CNTNAP2: variants seen among roughly 807,000 people sequenced by gnomAD.
CNTNAP2 encodes the protein contactin associated protein 2.
CNTNAP2 carries 98 observed loss-of-function variants against 155.2 expected under a neutral mutation model. That is an observed-to-expected ratio of 0.63 (90% confidence interval 0.54 to 0.75). The LOEUF is 0.75. Ranked by LOEUF, CNTNAP2 falls within the 30% of genes least tolerant of loss-of-function variation. CNTNAP2 has a pLI of 0.00. For missense variants in CNTNAP2, 1,727 were observed against 1,688.1 expected, an observed-to-expected ratio of 1.02 and a Z score of -0.40; for synonymous variants, 651 against 631.2, an observed-to-expected ratio of 1.03 and a Z score of -0.47.
chr7:146,628,107 T>A lies in CNTNAP2; in HGVS notation c.98-146164T>A, dbSNP rs1015425220. On this transcript the variant is annotated intron_variant, in intron 1 of 23. Coordinates refer to ENST00000361727, the MANE Select transcript of CNTNAP2 (RefSeq NM_014141.6). ...TATCCATACTTGTTCATATGGGATATCTTTTTCCACTTCCTTTAAGCAGGA... is the reference window on the plus strand; with the variant it reads ...TATCCATACTTGTTCATATGGGATAACTTTTTCCACTTCCTTTAAGCAGGA... Among the ~76,000 whole-genome samples the A allele has an allele frequency of 3.3e-5, 5 of 152,304 alleles. No individual in the cohort carries two copies. In the South Asian group the frequency reaches 8.3e-4, roughly 25 times the overall value.
rs539375828 is a variant in CNTNAP2, at chr7:148,101,910, A to C, written c.2384-16208A>C. Among the ~76,000 whole-genome samples the C allele has an allele frequency of 5.3e-5, 8 of 152,298 alleles. No homozygotes were observed. In the South Asian group the frequency reaches 8.3e-4, roughly 16 times the overall value. ...AAGATTCTCAAACAGCCAGATTCTG[A>C]ACATGCAGTCTTCCCCATTGCTATC... On this transcript the variant is annotated intron_variant, in intron 15 of 23. Transcript: ENST00000361727.
intron 1 of CNTNAP2, among the ~76,000 whole-genome samples, chr7:146,705,429 G>A (rs752425658): frequency 2.6e-5 from 4 of 151,836 alleles, no homozygotes; most frequent in South Asian, 2.1e-4. Context: ...AGCTCTCTGG[G>A]GTATCTTTTA....
At chr7:148,346,656 C>T (rs1289326593) in intron 21 of CNTNAP2, among the ~76,000 whole-genome samples, 1 of 151,826 alleles carries the variant, frequency 6.6e-6, no homozygotes, top group East Asian at 1.9e-4. Flanking sequence ...CCTATAATCC[C>T]AGCTACCTGG....
chr7:146,460,362 G>A (rs148157091), intron 1 of CNTNAP2, among the ~76,000 whole-genome samples: 255 of 145,494 alleles, frequency 1.8e-3, no homozygotes, highest in African/African-American at 6.4e-3. Flanking sequence ...AAAAAAGACA[G>A]TATGAAGGTT....
In CNTNAP2 at chr7:147,167,980, T is replaced by C. The variant is rs536023430; in HGVS notation, c.1348+35471T>C. Among the ~76,000 whole-genome samples, 296 of 149,674 alleles carry C rather than the reference T, an allele frequency of 2.0e-3. 1 individual carries two copies. The highest frequency in any genetic ancestry group is 3.6e-3 in the Middle Eastern group (1 of 280). On this transcript the variant is annotated intron_variant, in intron 8 of 23. Transcript: ENST00000361727. The stretch of plus-strand genomic sequence containing the variant: ...ATGTGTATATATACATATATGTATA[T>C]AGTATATGTATAAATTTACATGCAT...
At position 146,585,738 on chromosome 7, in the gene CNTNAP2, G is replaced by GAA. The variant is rs765734138; in HGVS notation, c.98-188529_98-188528dup. On this transcript the variant is annotated intron_variant, in intron 1 of 23. Coordinates refer to ENST00000361727, the MANE Select transcript of CNTNAP2 (RefSeq NM_014141.6). The stretch of plus-strand genomic sequence containing the variant: ...AGGAAGGAAAGAAAGAAGAAAGAAA[G>GAA]AAAAAGAAAGAAGGAAAGAAAGAAA... 2.4e-5 allele frequency among the ~76,000 whole-genome samples: 3 copies of GAA among 127,358 alleles called. No individual in the cohort carries two copies. The East Asian group carries it at 6.8e-4, about 29-fold the overall frequency. 83.6% of individuals were successfully genotyped at this position (127,358 alleles called of 152,430 possible). A position where few individuals can be genotyped will look rare whatever the true frequency, so the allele number is the denominator to read the frequency against.
At chr7:147,462,637 T>C (rs961334407) in intron 10 of CNTNAP2, among the ~76,000 whole-genome samples, 1 of 152,252 alleles carries the variant, frequency 6.6e-6, no homozygotes, top group Admixed American at 6.5e-5. Context: ...TCATATACCA[T>C]AGTAACCAGA....
chr7:146,224,565 G>C (rs1277218484), intron 1 of CNTNAP2, among the ~76,000 whole-genome samples: 2 of 144,184 alleles, frequency 1.4e-5, no homozygotes, highest in Non-Finnish European at 3.0e-5. Context: ...GGCTAACACG[G>C]GGAAACCCCG....
At chr7:147,738,115 T>C (rs2204417) in intron 13 of CNTNAP2, among the ~76,000 whole-genome samples, 96,966 of 152,074 alleles carry the variant, frequency 0.64, 34,087 homozygotes, top group East Asian at 0.93. Flanking sequence ...TCACTTACGC[T>C]GGGAGCTGTA....
At chr7:147,253,387 T>TG (rs1194814861) in intron 8 of CNTNAP2, among the ~76,000 whole-genome samples, 1 of 149,542 alleles carries the variant, frequency 6.7e-6, no homozygotes, top group East Asian at 1.9e-4. Context: ...TTCTCTGTTT[T>TG]TTTTTTTTTT....
intron 1 of CNTNAP2, among the ~76,000 whole-genome samples, chr7:146,583,112 G>A (rs939945521): frequency 3.4e-4 from 52 of 152,062 alleles, no homozygotes; most frequent in African/African-American, 1.1e-3. Flanking sequence ...TGTGGGAGCC[G>A]ACAGAGTCAC....
At chr7:146,942,831 G>A (rs1055368196) in intron 3 of CNTNAP2, among the ~76,000 whole-genome samples, 2 of 152,060 alleles carry the variant, frequency 1.3e-5, no homozygotes, top group Non-Finnish European at 2.9e-5. Context: ...ATTGAATGTT[G>A]CCTGCATCAA....
rs182000668 is a variant in CNTNAP2 at position 146,889,327 on chromosome 7, C to T, written c.402+49423C>T. Among the ~76,000 whole-genome samples the T allele has an allele frequency of 9.2e-5, 14 of 152,044 alleles. No homozygotes were observed. In the East Asian group the frequency reaches 2.5e-3, roughly 27 times the overall value. On this transcript the variant is annotated intron_variant, in intron 3 of 23. Transcript: ENST00000361727. ...AATCTTCTTTGATACAGAGAAACTCCAGAAATATGGTAGAATACAGCAATA... is the reference window on the plus strand; with the variant it reads ...AATCTTCTTTGATACAGAGAAACTCTAGAAATATGGTAGAATACAGCAATA...
At chr7:147,441,128 G>T (rs1797628562) in intron 10 of CNTNAP2, among the ~76,000 whole-genome samples, 1 of 152,004 alleles carries the variant, frequency 6.6e-6, no homozygotes, top group African/African-American at 2.4e-5. Context: ...CTACTTTCTA[G>T]ATTCTATATG....
chr7:146,791,485 A>G (rs1223671823), intron 2 of CNTNAP2, among the ~76,000 whole-genome samples: 1 of 152,134 alleles, frequency 6.6e-6, no homozygotes, highest in African/African-American at 2.4e-5. Flanking sequence ...TCCAAGTGAG[A>G]AGTTTAGGTA....
chr7:148,116,143 A>G (rs1480549409), intron 15 of CNTNAP2, among the ~76,000 whole-genome samples: 2 of 152,144 alleles, frequency 1.3e-5, no homozygotes, highest in Non-Finnish European at 2.9e-5. Flanking sequence ...TGTCTAAAAA[A>G]AAAAAAAAAG....
At chr7:147,336,806 T>C (rs1023372840) in intron 9 of CNTNAP2, among the ~76,000 whole-genome samples, 1 of 152,076 alleles carries the variant, frequency 6.6e-6, no homozygotes, top group Non-Finnish European at 1.5e-5. Flanking sequence ...AAGACCATGG[T>C]ACTGTTTTTC....
intron 2 of CNTNAP2, among the ~76,000 whole-genome samples, chr7:146,811,734 A>G (rs1343213869): frequency 6.6e-6 from 1 of 152,034 alleles, no homozygotes; most frequent in African/African-American, 2.4e-5. Context: ...CATAATCCTC[A>G]TGTGTTGTGG....
Position 147,128,707 on chromosome 7 carries a change from C to T in CNTNAP2, c.954C>T (p.Gly318=), listed in dbSNP as rs1470469267. Residue 318 remains glycine, a synonymous_variant, in exon 7 of 24, where the codon GGC becomes GGT. Coordinates refer to ENST00000361727, the MANE Select transcript of CNTNAP2 (RefSeq NM_014141.6). ...TTTTCTCAAAGATAACCTTTGGAGG[C>T]ATCCCTTTCTCTGGCAAGCCCAGCT... ...LDLDYEITFG[G]IPFSGKPSSS... 1.2e-6 allele frequency: 2 copies of T among 1,613,860 alleles called. No individual in the cohort carries two copies. The highest frequency in any genetic ancestry group is 1.7e-6 in the Non-Finnish European group (2 of 1,179,926).
Sources: allele counts gnomAD v4.1 joint callset (sites outside exome capture counted in the v4.1 genomes callset), GRCh38; gene constraint gnomAD v4.1.1; transcripts MANE v1.5; gene names NCBI Gene and HGNC (gene_info 2026-07-23, HGNC 2026-07-21).